SYNJ2: variants seen among roughly 807,000 people sequenced by gnomAD.
The protein encoded by SYNJ2 is synaptojanin 2.
SYNJ2 carries 116 observed loss-of-function variants against 141.3 expected under a neutral mutation model. The observed-to-expected ratio is 0.82, with a 90% CI of 0.71 to 0.96. The LOEUF (loss-of-function observed/expected upper bound fraction) is 0.96. Ranked by LOEUF, SYNJ2 falls within the 40% of genes least tolerant of loss-of-function variation. SYNJ2 has a pLI of 0.00. For missense variants in SYNJ2, 1,873 were observed against 1,934.8 expected, an observed-to-expected ratio of 0.97 and a Z score of 0.60; for synonymous variants, 745 against 777.7, an observed-to-expected ratio of 0.96 and a Z score of 0.70.
intron 12 of SYNJ2, chr6:158,067,377 C>A (rs1362085926): frequency 8.3e-6 from 8 of 959,638 alleles, no homozygotes; most frequent in Non-Finnish European, 9.9e-6. Flanking sequence ...CCCAAACCAA[C>A]TCTATTAATC....
intron 3 of SYNJ2, among the ~76,000 whole-genome samples, chr6:158,031,728 T>G (rs1779375578): frequency 6.6e-6 from 1 of 152,130 alleles, no homozygotes; most frequent in Non-Finnish European, 1.5e-5. Context: ...GGGCTGGTAA[T>G]TGATCACACT....
chr6:158,075,367 G>T (rs1173209181), intron 16 of SYNJ2, among the ~76,000 whole-genome samples: 1 of 152,040 alleles, frequency 6.6e-6, no homozygotes, highest in East Asian at 1.9e-4. Context: ...AGGGCCAGGT[G>T]CGGTGGCTCT....
Position 158,066,473 on chromosome 6 carries a change from G to A in SYNJ2, c.1555G>A (p.Glu519Lys). Residue 519 changes from glutamate (E) to lysine (K), a missense_variant, in exon 12 of 27, where the codon GAG becomes AAG. Glu to Lys is a moderately conservative substitution (Grantham distance 56). Transcript: ENST00000355585. ...VTPRILKAMTERQSEFTNFKR... is the reference protein window; with the variant it reads ...VTPRILKAMTKRQSEFTNFKR... ...TCCCAGGATCCTGAAAGCTATGACT[G>A]AGCGTCAGTCCGAATTCACAAATTT... is the stretch of plus-strand genomic sequence containing the variant. The A allele has an allele frequency of 6.2e-7, 1 of 1,614,168 alleles. No individual in the cohort carries two copies. Among genetic ancestry groups the A allele is most frequent in the Non-Finnish European group, 8.5e-7 (1 of 1,180,046 alleles).
Position 158,081,183 on chromosome 6 carries a change from T to C in SYNJ2, c.2642T>C (p.Val881Ala), listed in dbSNP as rs184254046. ...VGARERVFQE[V>A]SSFQGPLDAT... ...GCTCGGGAGAGGGTTTTCCAGGAAG[T>C]GTCCTCCTTCCAGGGCCCCCTGGAT... The change falls in exon 19 of 27, where the codon GTG (valine) becomes GCG (alanine). Residue 881 changes from valine (V) to alanine (A), a missense_variant. Val to Ala is a moderately conservative substitution (Grantham distance 64). Coordinates refer to ENST00000355585, the MANE Select transcript of SYNJ2 (RefSeq NM_003898.4). The C allele has an allele frequency of 8.4e-4, 1,350 of 1,614,084 alleles. 14 individuals carry two copies. Among genetic ancestry groups the C allele is most frequent in the Non-Finnish European group, 1.5e-4 (180 of 1,179,992 alleles).
intron 8 of SYNJ2, among the ~76,000 whole-genome samples, chr6:158,062,867 G>A (rs1010819899): frequency 2.6e-5 from 4 of 151,920 alleles, no homozygotes; most frequent in East Asian, 1.9e-4. Context: ...CCCTTTGTTC[G>A]GGGATCTCAT....
intron 18 of SYNJ2, chr6:158,078,639 T>C (rs949699304): frequency 1.7e-5 from 3 of 181,428 alleles, no homozygotes; most frequent in Non-Finnish European, 3.5e-5. Context: ...ATGTTATAGC[T>C]CTGGTGCATT....
At chr6:158,033,923 G>A (rs916239127) in intron 4 of SYNJ2, among the ~76,000 whole-genome samples, 4 of 152,338 alleles carry the variant, frequency 2.6e-5, no homozygotes, top group African/African-American at 9.6e-5. Context: ...CTTAGCCGAG[G>A]TATTTTTAAC....
chr6:158,051,019 T>C (rs1780536502), intron 5 of SYNJ2, among the ~76,000 whole-genome samples: 1 of 152,128 alleles, frequency 6.6e-6, no homozygotes, highest in South Asian at 2.1e-4. Flanking sequence ...GGGGGAGCTA[T>C]AGAGCCTGGG....
At chr6:158,007,321 A>G (rs972943928) in intron 1 of SYNJ2, among the ~76,000 whole-genome samples, 1 of 152,166 alleles carries the variant, frequency 6.6e-6, no homozygotes. Context: ...CTTTCCAACC[A>G]GATTTCTCTG....
intron 6 of SYNJ2, among the ~76,000 whole-genome samples, chr6:158,056,053 G>A (rs913896026): frequency 3.3e-5 from 5 of 152,100 alleles, no homozygotes; most frequent in Non-Finnish European, 5.9e-5. Flanking sequence ...TTAGGGAGTC[G>A]CCTGGGTGAC....
chr6:158,039,427 T>G (rs73795210), intron 4 of SYNJ2, among the ~76,000 whole-genome samples: 6,294 of 152,320 alleles, frequency 0.041, 472 homozygotes, highest in African/African-American at 0.14. Context: ...GGCTGCGTGG[T>G]CTGCAGGGGA....
intron 1 of SYNJ2, among the ~76,000 whole-genome samples, chr6:157,993,623 G>A (rs1777530600): frequency 1.3e-5 from 2 of 151,232 alleles, no homozygotes; most frequent in Non-Finnish European, 2.9e-5. Context: ...TCAATGTCCT[G>A]GAGGTCTTTC....
chr6:158,028,188 GCTT>G (rs1399746763), intron 2 of SYNJ2: 1 of 155,718 alleles, frequency 6.4e-6, no homozygotes, highest in Admixed American at 6.3e-5. Context: ...GGATTTGGGA[GCTT>G]CTGTCGTAGT....
intron 7 of SYNJ2, among the ~76,000 whole-genome samples, chr6:158,059,887 G>A (rs1781105150): frequency 6.6e-6 from 1 of 152,172 alleles, no homozygotes; most frequent in Non-Finnish European, 1.5e-5. Context: ...CTGATGGTTG[G>A]GAGAATTTGC....
chr6:158,071,766 A>T lies in SYNJ2; in HGVS notation c.2105A>T (p.Glu702Val). The stretch of plus-strand genomic sequence containing the variant: ...AAGGAGCGGAATGAAGACTACAAGG[A>T]GATCACCCAGAAACTCTGCTTCCCA... ...QVKERNEDYK[E>V]ITQKLCFPMG... Residue 702 changes from glutamate (E) to valine (V), a missense_variant, in exon 15 of 27, where the codon GAG (glutamate) becomes GTG (valine). Physicochemically the swap from Glu to Val is moderately radical, Grantham distance 121. Transcript: ENST00000355585. This position sits in a 1 kb window ranked among gnomAD's most constrained non-coding sequence, Gnocchi z 4.3. 6.2e-7 allele frequency: 1 copy of T among 1,613,684 alleles called. No individual in the cohort carries two copies. The highest frequency in any genetic ancestry group is 8.5e-7 in the Non-Finnish European group (1 of 1,180,012).
chr6:158,046,445 A>G (rs1780241928), intron 5 of SYNJ2, among the ~76,000 whole-genome samples: 1 of 152,182 alleles, frequency 6.6e-6, no homozygotes, highest in Non-Finnish European at 1.5e-5. Flanking sequence ...AACTGTCACT[A>G]TCAAGCCTAA....
intron 1 of SYNJ2, among the ~76,000 whole-genome samples, chr6:157,984,408 C>CT (rs1416706452): frequency 2.8e-4 from 43 of 151,766 alleles, no homozygotes; most frequent in South Asian, 2.1e-4. Context: ...TATTTTTTTT[C>CT]TTTTTTTTGA....
intron 22 of SYNJ2, among the ~76,000 whole-genome samples, chr6:158,085,139 C>A (rs917687792): frequency 6.6e-6 from 1 of 151,914 alleles, no homozygotes; most frequent in African/African-American, 2.4e-5. Context: ...CCCACCTCAG[C>A]CTCCCAAGTA....
chr6:158,067,880 C>T (rs909649281), intron 12 of SYNJ2: 61 of 985,304 alleles, frequency 6.2e-5, no homozygotes, highest in Non-Finnish European at 6.7e-5. Flanking sequence ...GGCCCATCAA[C>T]GCGGAGAGTG....
Sources: gnomAD v4.1 joint callset for allele counts (sites outside exome capture counted in the v4.1 genomes callset) on GRCh38, gnomAD v4.1.1 for gene constraint, Gnocchi (gnomAD v3.1) non-coding constraint, MANE v1.5 for transcripts, NCBI Gene and HGNC (gene_info 2026-07-23, HGNC 2026-07-21) for gene names.